ANK3: variants seen among roughly 807,000 people sequenced by gnomAD.
The protein encoded by ANK3 is ankyrin-3.
Under a neutral mutation model 370.9 loss-of-function variants are expected in ANK3, and 57 were observed. The ratio of observed to expected loss-of-function variants is 0.15; its 90% confidence interval spans 0.12 to 0.19. ANK3 has a LOEUF of 0.19. ANK3 is among the 10% of genes least tolerant of loss of function. The probability of loss-of-function intolerance (pLI) is 1.00; values close to 1 mark genes in which losing one functional copy is unlikely to be tolerated. For synonymous variants in ANK3, 1,929 were observed against 1,946.3 expected (o/e 0.99, Z 0.23); for missense variants, 4,439 against 5,302.1 (o/e 0.84, Z 5.06).
At chr10:60,136,721 T>A (rs924750055) in intron 24 of ANK3, among the ~76,000 whole-genome samples, 1 of 152,180 alleles carries the variant, frequency 6.6e-6, no homozygotes, top group African/African-American at 2.4e-5. Flanking sequence ...TTGCATAATG[T>A]CTAAAGTTCC....
intron 25 of ANK3, among the ~76,000 whole-genome samples, chr10:60,126,649 C>A (rs1026924425): frequency 6.6e-6 from 1 of 150,730 alleles, no homozygotes; most frequent in Admixed American, 6.6e-5. Context: ...GGTCATGCCA[C>A]TGCACTCCAG....
chr10:60,348,108 C>A (rs2056037625), intron 1 of ANK3, among the ~76,000 whole-genome samples: 1 of 151,986 alleles, frequency 6.6e-6, no homozygotes, highest in South Asian at 2.1e-4. Context: ...TATATTCTCT[C>A]CAGCCTCATT....
chr10:60,581,519 G>T (rs555659441), intron 2 of ANK3, among the ~76,000 whole-genome samples: 3 of 149,944 alleles, frequency 2.0e-5, no homozygotes, highest in Non-Finnish European at 2.9e-5. Flanking sequence ...TTGCCACCCG[G>T]GTTCAAGTGA....
chr10:60,035,553 A>C (rs879901342), intron 43 of ANK3, among the ~76,000 whole-genome samples: 6 of 150,204 alleles, frequency 4.0e-5, no homozygotes, highest in Non-Finnish European at 7.4e-5. Context: ...GCGCCCGGCC[A>C]AAAAGAGAGC....
rs971945597 is a variant in ANK3 at position 60,635,655 on chromosome 10, G to T, written c.58-20431C>A. ...AAGTCCATTATTCAGGACTTAAAAT[G>T]TTCGTAGTCATTTTAAAAAATAAAT... On this transcript the variant is annotated intron_variant, in intron 1 of 43. Transcript: ENST00000373827. 5.9e-5 allele frequency among the ~76,000 whole-genome samples: 9 copies of T among 151,596 alleles called. No homozygotes were observed. The East Asian group carries it at 1.8e-3, about 29-fold the overall frequency.
intron 1 of ANK3, among the ~76,000 whole-genome samples, chr10:60,362,382 C>T (rs2058743788): frequency 6.6e-6 from 1 of 152,154 alleles, no homozygotes; most frequent in Non-Finnish European, 1.5e-5. Context: ...ATATTTTGTA[C>T]ATTTTCTCGT....
intron 25 of ANK3, among the ~76,000 whole-genome samples, chr10:60,127,293 C>A (rs575430624): frequency 6.6e-6 from 1 of 152,266 alleles, no homozygotes; most frequent in Admixed American, 6.5e-5. Flanking sequence ...TGTTGCAGAA[C>A]AGGAGGGACT....
chr10:60,347,952 G>A (rs1437397339), intron 1 of ANK3, among the ~76,000 whole-genome samples: 1 of 152,092 alleles, frequency 6.6e-6, no homozygotes, highest in South Asian at 2.1e-4. Flanking sequence ...AGCATCAGAT[G>A]GGCTCTGAGT....
At chr10:60,180,615 C>CAAAAAAAAAAAAAAAAAAA (rs990463587) in intron 18 of ANK3, among the ~76,000 whole-genome samples, 1 of 106,158 alleles carries the variant, frequency 9.4e-6, no homozygotes. Flanking sequence ...AAAAAAAAAC[C>CAAAAAAAAAAAAAAAAAAA]AAAAAAAAAA....
chr10:60,459,446 T>C (rs2133054709), intron 2 of ANK3, among the ~76,000 whole-genome samples: 1 of 152,256 alleles, frequency 6.6e-6, no homozygotes, highest in Admixed American at 6.5e-5. Flanking sequence ...CTCTGGACAT[T>C]GTCAGATACC....
chr10:60,489,312 G>A (rs1306666014), intron 2 of ANK3, among the ~76,000 whole-genome samples: 2 of 152,132 alleles, frequency 1.3e-5, no homozygotes, highest in African/African-American at 4.8e-5. Flanking sequence ...AAGTGCCCAG[G>A]AGCCAAGACT....
intron 2 of ANK3, among the ~76,000 whole-genome samples, chr10:60,581,401 T>C (rs1014375543): frequency 1.3e-5 from 2 of 149,850 alleles, no homozygotes; most frequent in Non-Finnish European, 3.0e-5. Flanking sequence ...GAAAACTGCC[T>C]ATCCAGGTAT....
At chr10:60,710,275 A>G (rs890505475) in intron 1 of ANK3, among the ~76,000 whole-genome samples, 11 of 152,196 alleles carry the variant, frequency 7.2e-5, no homozygotes, top group Non-Finnish European at 1.5e-4. Context: ...CAGTAGCAAC[A>G]GGAAATGACT....
At chr10:60,546,182 T>C (rs2076960138) in intron 2 of ANK3, among the ~76,000 whole-genome samples, 1 of 152,124 alleles carries the variant, frequency 6.6e-6, no homozygotes, top group South Asian at 2.1e-4. Context: ...ACTACAGGCA[T>C]GCACCACCAT....
At chr10:60,269,532 C>T (rs978211238) in intron 5 of ANK3, among the ~76,000 whole-genome samples, 4 of 151,880 alleles carry the variant, frequency 2.6e-5, no homozygotes, top group African/African-American at 9.7e-5. Context: ...GTAATCCCAG[C>T]TACTCGGGAG....
At chr10:60,148,447 A>T (rs901009779) in intron 23 of ANK3, among the ~76,000 whole-genome samples, 2 of 152,230 alleles carry the variant, frequency 1.3e-5, no homozygotes, top group Non-Finnish European at 2.9e-5. Context: ...GTAAAGTGCC[A>T]TACAGGTTTT....
rs55714380 is a variant in ANK3 at position 60,551,596 on chromosome 10, G to A, written c.96+63590C>T. Reference sequence around the variant, plus strand: ...TATTTACTACTATGTTTAATCACATGTAAGATGCTATTGCTTATGAAATAC... The same window carrying A: ...TATTTACTACTATGTTTAATCACATATAAGATGCTATTGCTTATGAAATAC... On this transcript the variant is annotated intron_variant, in intron 2 of 43. Transcript: ENST00000373827. Among the ~76,000 whole-genome samples the A allele has an allele frequency of 2.5e-3, 381 of 152,228 alleles. 1 individual carries two copies. The highest frequency in any genetic ancestry group is 4.1e-3 in the Non-Finnish European group (279 of 67,990).
chr10:60,189,116 T>A (rs912493728), intron 16 of ANK3, among the ~76,000 whole-genome samples: 1 of 152,190 alleles, frequency 6.6e-6, no homozygotes, highest in Non-Finnish European at 1.5e-5. Flanking sequence ...CCTAACAAGG[T>A]AAGGCAGCTC....
chr10:60,286,694 T>G (rs1387275783), intron 1 of ANK3, among the ~76,000 whole-genome samples: 1 of 152,196 alleles, frequency 6.6e-6, no homozygotes, highest in Non-Finnish European at 1.5e-5. Context: ...CCAATTTACA[T>G]TTCCCTGGCT....
Sources: allele counts gnomAD v4.1 joint callset (sites outside exome capture counted in the v4.1 genomes callset), GRCh38; gene constraint gnomAD v4.1.1; transcripts MANE v1.5; gene names NCBI Gene and HGNC (gene_info 2026-07-23, HGNC 2026-07-21).